The following OVOL1 variants were observed in gnomAD, a reference collection of about 807,000 sequenced individuals.
OVOL1 encodes the protein ovo like transcriptional repressor 1.
A neutral mutation model predicts 21.5 loss-of-function variants in OVOL1; 10 were observed. The observed-to-expected ratio is 0.46, with a 90% confidence interval of 0.29 to 0.79. OVOL1 has a LOEUF of 0.79. Among genes scored for constraint, OVOL1 ranks in the 30% least tolerant of loss-of-function variants. OVOL1 has a pLI of 0.10. For synonymous variants in OVOL1, 129 were observed against 150.3 expected (o/e 0.86, Z 1.03); for missense variants, 279 against 362.3 (o/e 0.77, Z 1.87).
Position 65,795,424 on chromosome 11 carries a change from T to A in OVOL1, c.*83T>A. ...CAGCTGCCTGGCCAGCCCACCCTCC[T>A]GCAACCTCTCACCCGAACACCAGTG... is the stretch of plus-strand genomic sequence containing the variant. On this transcript the variant is annotated 3_prime_UTR_variant, in exon 4 of 4. Coordinates refer to ENST00000335987, the MANE Select transcript of OVOL1 (RefSeq NM_004561.4). This position sits in a 1 kb window ranked among gnomAD's most constrained non-coding sequence, Gnocchi z 5.7. The A allele has an allele frequency of 7.8e-7, 1 of 1,290,192 alleles. No homozygotes were observed. Among genetic ancestry groups the A allele is most frequent in the Non-Finnish European group, 1.1e-6 (1 of 937,838 alleles). The allele number at this position is 1,290,192 out of a possible 1,614,324, so 79.9% of individuals were successfully genotyped here.
At position 65,795,257 on chromosome 11, in the gene OVOL1, G is replaced by C. The variant is rs35194319; in HGVS notation, c.720G>C (p.Pro240=). The C allele has an allele frequency of 1.5e-3, 2,381 of 1,613,490 alleles. 29 individuals are homozygous for C. The African/African-American group carries it at 0.024, about 16-fold the overall frequency. Residue 240 remains proline (P), a synonymous_variant, in exon 4 of 4, where the codon CCG becomes CCC. Transcript: ENST00000335987. This position sits in a 1 kb window ranked among gnomAD's most constrained non-coding sequence, Gnocchi z 5.7. The part of the protein sequence containing the change: ...LHLKEHHPDS[P]LLRKTSKKVA... ...TGAAGGAGCACCACCCTGACAGCCC[G>C]CTGCTGCGCAAGACCTCCAAGAAGG... is the stretch of plus-strand genomic sequence containing the variant.
Position 65,795,594 on chromosome 11 carries a change from G to A in OVOL1, c.*253G>A, listed in dbSNP as rs1253208342. ...CTGGGAAGATGTACCTATGTCAAGA[G>A]AAGGGATGAGGCCAAGGCTGCCTTC... On this transcript the variant is annotated 3_prime_UTR_variant, in exon 4 of 4. Coordinates refer to ENST00000335987, the MANE Select transcript of OVOL1 (RefSeq NM_004561.4). The surrounding 1 kb of genome is among the most constrained non-coding windows in gnomAD (Gnocchi z 5.7). 3.5e-6 allele frequency: 2 copies of A among 574,962 alleles called. No homozygotes were observed. The highest frequency in any genetic ancestry group is 6.2e-6 in the Non-Finnish European group (2 of 320,666). 35.6% of individuals were successfully genotyped at this position (574,962 alleles called of 1,614,324 possible).
Position 65,795,068 on chromosome 11 carries a change from C to T in OVOL1, c.531C>T (p.Ser177=). ...THTGVRPYKC[S]LCDKAFTQRC... is the part of the protein sequence containing the mutation. ...CAGGCGTGCGGCCCTACAAGTGCAG[C>T]CTGTGTGACAAGGCCTTCACGCAGC... The change falls in exon 4 of 4, where the codon AGC becomes AGT. Residue 177 remains serine (S), a synonymous_variant. Coordinates refer to ENST00000335987, the MANE Select transcript of OVOL1 (RefSeq NM_004561.4). The surrounding 1 kb of genome is among the most constrained non-coding windows in gnomAD (Gnocchi z 5.7). The T allele has an allele frequency of 1.9e-6, 3 of 1,613,136 alleles. No homozygotes were observed. Among genetic ancestry groups the T allele is most frequent in the Non-Finnish European group, 2.5e-6 (3 of 1,179,976 alleles).
chr11:65,791,058 G>T (rs767767212), intron 1 of OVOL1, among the ~76,000 whole-genome samples: 4 of 152,220 alleles, frequency 2.6e-5, no homozygotes, highest in Non-Finnish European at 5.9e-5. Context: ...GCACCCTGGC[G>T]CGAGGGCCGA....
intron 1 of OVOL1, chr11:65,788,616 C>A (rs1590996694): frequency 1.0e-6 from 1 of 985,342 alleles, no homozygotes; most frequent in South Asian, 4.7e-5. Context: ...AGTTTCCCTC[C>A]TGAATAAGCT....
At chr11:65,793,928 G>T in intron 1 of OVOL1, 103 bp from the exon 2 acceptor site, 1 of 844,040 alleles carries the variant, frequency 1.2e-6, no homozygotes, top group Non-Finnish European at 1.9e-6. Flanking sequence ...TGGGAGGGAC[G>T]GAGTCTCCAG....
At position 65,788,456 on chromosome 11, in the gene OVOL1, C is replaced by G. The variant is rs1857947373; in HGVS notation, c.100+983C>G. ...GGCGGGGCGTGGACGCTCTGAACGCCCAGCCCAGCCCCTCCGAGGGGGGAG... is the reference window on the plus strand; with the variant it reads ...GGCGGGGCGTGGACGCTCTGAACGCGCAGCCCAGCCCCTCCGAGGGGGGAG... On this transcript the variant is annotated intron_variant, in intron 1 of 3. Coordinates refer to ENST00000335987, the MANE Select transcript of OVOL1 (RefSeq NM_004561.4). 1.0e-5 allele frequency: 10 copies of G among 984,330 alleles called. No individual in the cohort carries two copies. In the South Asian group the frequency reaches 4.7e-4, roughly 46 times the overall value. The allele number at this position is 984,330 out of a possible 1,614,324, so 61.0% of individuals were successfully genotyped here.
intron 1 of OVOL1, chr11:65,788,883 T>C: frequency 1.0e-6 from 1 of 985,438 alleles, no homozygotes; most frequent in Non-Finnish European, 1.2e-6. Context: ...GCTTCTTGCT[T>C]GGCCACACTC....
chr11:65,788,435 G>GGGCGT, intron 1 of OVOL1: 1 of 983,730 alleles, frequency 1.0e-6, no homozygotes, highest in Non-Finnish European at 1.2e-6. Context: ...CTTGGGGGCG[G>GGGCGT]GGCGTGGACG....
rs370761293 is a variant in OVOL1 at position 65,787,278 on chromosome 11, C to G, written c.-96C>G. On this transcript the variant is annotated 5_prime_UTR_variant, in exon 1 of 4. Transcript: ENST00000335987. ...CCTTAGCGACTCCTTCCCTGTTGTG[C>G]CCCCGTTCCCGGCGTTCAGCCCGGC... 9 of 1,030,490 alleles carry G rather than the reference C, an allele frequency of 8.7e-6. No individual in the cohort carries two copies. The Admixed American group carries it at 1.9e-4, about 22-fold the overall frequency. The allele number at this position is 1,030,490 out of a possible 1,614,324, so 63.8% of individuals were successfully genotyped here.
intron 1 of OVOL1, chr11:65,790,423 C>G (rs1197422561): frequency 6.6e-6 from 1 of 152,228 alleles, no homozygotes; most frequent in Admixed American, 6.5e-5. Context: ...GGGAGGCCAG[C>G]AGGCTGGGCG....
intron 1 of OVOL1, 52 bp downstream of exon 1, chr11:65,787,525 T>G (rs1337133702): frequency 5.5e-6 from 6 of 1,086,420 alleles, no homozygotes; most frequent in African/African-American, 3.4e-5. Flanking sequence ...GCGTCGAGGC[T>G]GCGGGCGGGC....
rs372011469 is a variant in OVOL1, at chr11:65,787,427, C to G, written c.54C>G (p.Asn18Lys). The change falls in exon 1 of 4, where the codon AAC becomes AAG. Residue 18 changes from asparagine (N) to lysine (K), a missense_variant. Asn to Lys is a moderately conservative substitution (Grantham distance 94, BLOSUM62 0). Transcript: ENST00000335987. ...CGTGCGTCTCCACGTGCAAGAGGAA[C>G]TGGAGCGAGCTCCCCGACGAGGAGC... The part of the protein sequence containing the change: ...KKPCVSTCKR[N>K]WSELPDEERG... 1.9e-6 allele frequency: 3 copies of G among 1,593,624 alleles called. No individual in the cohort carries two copies. The highest frequency in any genetic ancestry group is 2.6e-6 in the Non-Finnish European group (3 of 1,170,186).
rs79170017 is a variant in OVOL1 at position 65,789,557 on chromosome 11, C to T, written c.100+2084C>T. 4,544 of 506,148 alleles carry T rather than the reference C, an allele frequency of 9.0e-3. 179 individuals carry two copies. Among genetic ancestry groups the T allele is most frequent in the African/African-American group, 0.083 (4,029 of 48,570 alleles). The allele number at this position is 506,148 out of a possible 1,614,324, so 31.4% of individuals were successfully genotyped here. A position where few individuals can be genotyped will look rare whatever the true frequency, so the allele number is the denominator to read the frequency against. Reference sequence around the variant, plus strand: ...TGAGAAAGGGACTGTCCTCAGTCCACGCTCGGGTGCCTCAGATGGCTGGAG... The same window carrying T: ...TGAGAAAGGGACTGTCCTCAGTCCATGCTCGGGTGCCTCAGATGGCTGGAG... On this transcript the variant is annotated intron_variant, in intron 1 of 3. Transcript: ENST00000335987.
chr11:65,794,260 C>T lies in OVOL1; in HGVS notation c.318+12C>T, dbSNP rs776516923. 37 of 1,606,494 alleles carry T rather than the reference C, an allele frequency of 2.3e-5. No individual in the cohort carries two copies. Among genetic ancestry groups the T allele is most frequent in the Non-Finnish European group, 3.0e-5 (35 of 1,174,568 alleles). On this transcript the variant is annotated intron_variant, in intron 2 of 3. Transcript: ENST00000335987. ...GCACCAAGATGAAGGTAATGCCACT[C>T]GCGCTGTCTCCGAGGGCCGGGGGCG... is the stretch of plus-strand genomic sequence containing the variant.
In OVOL1 at chr11:65,794,527, C is replaced by T. The variant is rs1187343882; in HGVS notation, c.319-11C>T. On this transcript the variant is annotated splice_polypyrimidine_tract_variant and intron_variant, in intron 2 of 3. Coordinates refer to ENST00000335987, the MANE Select transcript of OVOL1 (RefSeq NM_004561.4). ...CTGGATGTCTGTCAGCAATGCCGTC[C>T]TCACCCACAGGTGACCCTTGGGGAC... 2 of 1,609,758 alleles carry T rather than the reference C, an allele frequency of 1.2e-6. No homozygotes were observed. Among genetic ancestry groups the T allele is most frequent in the Non-Finnish European group, 8.5e-7 (1 of 1,177,116 alleles).
At chr11:65,789,641 A>G in intron 1 of OVOL1, 9 of 968,960 alleles carry the variant, frequency 9.3e-6, no homozygotes, top group Non-Finnish European at 1.1e-5. Context: ...TCACCAGCCA[A>G]CCATGACCCC....
chr11:65,796,722 T>C lies in OVOL1; in HGVS notation c.*1381T>C, dbSNP rs1591004509. 6.6e-6 allele frequency: 1 copy of C among 151,930 alleles called. No homozygotes were observed. Among genetic ancestry groups the C allele is most frequent in the Admixed American group, 6.6e-5 (1 of 15,220 alleles). 9.4% of individuals were successfully genotyped at this position (151,930 alleles called of 1,614,324 possible). A position where few individuals can be genotyped will look rare whatever the true frequency, so the allele number is the denominator to read the frequency against. On this transcript the variant is annotated 3_prime_UTR_variant, in exon 4 of 4. Coordinates refer to ENST00000335987, the MANE Select transcript of OVOL1 (RefSeq NM_004561.4). ...TCCCTTGCTGCAGCTGGGAAAGGGG[T>C]TCTGGGTGTAAAGAGGTGTGCGTCT...
At chr11:65,791,965 G>A (rs537244028) in intron 1 of OVOL1, among the ~76,000 whole-genome samples, 1 of 152,246 alleles carries the variant, frequency 6.6e-6, no homozygotes, top group Non-Finnish European at 1.5e-5. Flanking sequence ...ACACGCTCAT[G>A]GGGGTGGCAG....
Sources: allele counts gnomAD v4.1 joint callset (sites outside exome capture counted in the v4.1 genomes callset), GRCh38; gene constraint gnomAD v4.1.1; non-coding constraint Gnocchi (gnomAD v3.1); transcripts MANE v1.5; gene names NCBI Gene and HGNC (gene_info 2026-07-23, HGNC 2026-07-21).